CPVL: variants seen among roughly 807,000 people sequenced by gnomAD.
CPVL encodes the protein carboxypeptidase vitellogenic like.
A neutral mutation model predicts 63.7 loss-of-function variants in CPVL; 51 were observed. The ratio of observed to expected loss-of-function variants is 0.80; its 90% CI spans 0.64 to 1.01. The LOEUF (loss-of-function observed/expected upper bound fraction) is 1.01, where lower values mean the gene tolerates loss of function less well. CPVL is among the 50% of genes least tolerant of loss of function. CPVL has a pLI of 0.00. For synonymous variants in CPVL, 195 were observed against 206.0 expected (o/e 0.95, Z 0.46); for missense variants, 530 against 573.1 (o/e 0.92, Z 0.77).
chr7:29,045,459 T>C (rs1789518840), intron 11 of CPVL, among the ~76,000 whole-genome samples: 1 of 152,236 alleles, frequency 6.6e-6, no homozygotes, highest in South Asian at 2.1e-4. Context: ...AAAATAAATG[T>C]CCTAGAGTTA....
intron 7 of CPVL, among the ~76,000 whole-genome samples, chr7:29,079,764 T>G (rs960905325): frequency 2.6e-5 from 4 of 152,160 alleles, no homozygotes; most frequent in African/African-American, 9.6e-5. Context: ...CCACCCCACC[T>G]TGGTTGCCAC....
At chr7:29,154,004 A>G (rs1793995383) in intron 5 of CPVL, among the ~76,000 whole-genome samples, 1 of 152,232 alleles carries the variant, frequency 6.6e-6, no homozygotes, top group African/African-American at 2.4e-5. Context: ...ACAGTAGGCT[A>G]TTAGTAGTTA....
intron 1 of CPVL, chr7:29,192,367 ACACTAT>A (rs1290867163): frequency 4.6e-5 from 7 of 152,198 alleles, no homozygotes; most frequent in Non-Finnish European, 1.0e-4. Flanking sequence ...TCCAGTTAAA[ACACTAT>A]GAAGGGAAAT....
exon 1 of CPVL, chr7:29,195,186 C>G (rs1045921567): frequency 5.9e-6 from 3 of 511,328 alleles, no homozygotes; most frequent in African/African-American, 2.0e-5. Context: ...TGACATCTGA[C>G]AGCGCAGAGG....
chr7:29,139,425 G>A (rs1791605455), intron 1 of CPVL, among the ~76,000 whole-genome samples: 1 of 151,806 alleles, frequency 6.6e-6, no homozygotes, highest in African/African-American at 2.4e-5. Flanking sequence ...GATTCACGCA[G>A]GCTACCTTAA....
intron 11 of CPVL, among the ~76,000 whole-genome samples, chr7:29,035,687 G>A (rs192765749): frequency 5.9e-5 from 9 of 152,260 alleles, no homozygotes; most frequent in African/African-American, 4.8e-5. Context: ...CCATAAAACC[G>A]ATGGACAATT....
intron 1 of CPVL, 79 bp downstream of exon 1, chr7:29,146,350 G>C: frequency 1.9e-6 from 1 of 522,836 alleles, no homozygotes; most frequent in Non-Finnish European, 3.3e-6. Context: ...CCTGCCCCGC[G>C]CTCCCTAAGT....
intron 7 of CPVL, among the ~76,000 whole-genome samples, chr7:29,076,894 G>C (rs74589103): frequency 0.063 from 9,599 of 152,204 alleles, 408 homozygotes; most frequent in East Asian, 0.18. Context: ...CTTGGTTTGC[G>C]ATTTTTTTTT....
intron 12 of CPVL, among the ~76,000 whole-genome samples, chr7:29,021,145 G>A (rs549103528): frequency 6.6e-6 from 1 of 151,896 alleles, no homozygotes; most frequent in South Asian, 2.1e-4. Context: ...GGCAGACAGA[G>A]TGGGATTCTG....
At chr7:29,042,644 AGT>A (rs1789227483) in intron 11 of CPVL, among the ~76,000 whole-genome samples, 2 of 152,126 alleles carry the variant, frequency 1.3e-5, no homozygotes, top group Non-Finnish European at 2.9e-5. Context: ...AAAAAATAAT[AGT>A]ACCACTAGTA....
At chr7:29,119,703 A>C (rs1789158606) in intron 2 of CPVL, among the ~76,000 whole-genome samples, 1 of 152,170 alleles carries the variant, frequency 6.6e-6, no homozygotes, top group African/African-American at 2.4e-5. Context: ...ACATCTCTGT[A>C]AGTTGGGTAA....
intron 1 of CPVL, among the ~76,000 whole-genome samples, chr7:29,137,451 G>A (rs1055844713): frequency 6.6e-6 from 1 of 152,164 alleles, no homozygotes; most frequent in Non-Finnish European, 1.5e-5. Context: ...AAGCAAATGG[G>A]CTTTCCACTT....
At chr7:29,106,762 G>T (rs1462675344) in intron 3 of CPVL, among the ~76,000 whole-genome samples, 1 of 152,122 alleles carries the variant, frequency 6.6e-6, no homozygotes, top group Non-Finnish European at 1.5e-5. Context: ...GTATATGCTA[G>T]TTGTCACAAG....
At chr7:29,059,216 T>G (rs906942343) in intron 11 of CPVL, among the ~76,000 whole-genome samples, 3 of 152,194 alleles carry the variant, frequency 2.0e-5, no homozygotes, top group Admixed American at 2.0e-4. Context: ...TCTTTATCTC[T>G]GTTACAGTGT....
intron 5 of CPVL, among the ~76,000 whole-genome samples, chr7:29,159,521 T>TTG (rs1461070413): frequency 2.0e-5 from 3 of 152,234 alleles, no homozygotes. Flanking sequence ...ATGTAACATG[T>TTG]ATGTGTTATC....
chr7:29,078,148 T>C (rs57091108), intron 7 of CPVL, among the ~76,000 whole-genome samples: 16,041 of 152,200 alleles, frequency 0.11, 1,064 homozygotes, highest in Non-Finnish European at 0.14. Context: ...TTTATCAAAG[T>C]ATCTATTTCT....
rs769302899 is a variant in CPVL, at chr7:29,096,134, A to G, written c.372T>C (p.His124=). 1.2e-5 allele frequency: 20 copies of G among 1,614,062 alleles called. No homozygotes were observed. The highest frequency in any genetic ancestry group is 1.6e-5 in the Non-Finnish European group (19 of 1,179,996). The part of the protein sequence containing the change: ...GSSMFGLFVE[H]GPYVVTSNMT... ...TGTTACTTGTGACAACATAAGGCCC[A>G]TGTTCCACAAAGAGTCCAAACATGG... is the stretch of plus-strand genomic sequence containing the variant. Residue 124 remains histidine (H), a synonymous_variant, in exon 4 of 13, where the codon CAT becomes CAC. Coordinates refer to ENST00000265394, the MANE Select transcript of CPVL (RefSeq NM_031311.5).
At chr7:29,158,172 T>G (rs1222674541) in intron 5 of CPVL, among the ~76,000 whole-genome samples, 1 of 152,020 alleles carries the variant, frequency 6.6e-6, no homozygotes, top group African/African-American at 2.4e-5. Context: ...TAGAGTTGAG[T>G]ATATTAAGAA....
At chr7:29,177,560 C>CT (rs200237886) in intron 5 of CPVL, among the ~76,000 whole-genome samples, 25,663 of 146,692 alleles carry the variant, frequency 0.17, 2,235 homozygotes, top group African/African-American at 0.2. Context: ...GGCCCCCTCA[C>CT]TTTTTTTTTT....
Sources: allele counts gnomAD v4.1 joint callset (sites outside exome capture counted in the v4.1 genomes callset), GRCh38; gene constraint gnomAD v4.1.1; transcripts MANE v1.5; gene names NCBI Gene and HGNC (gene_info 2026-07-23, HGNC 2026-07-21).